The following GLMN variants were observed in gnomAD, a reference collection of about 807,000 sequenced individuals.
GLMN encodes glomulin.
Under a neutral mutation model 87.8 loss-of-function variants are expected in GLMN, and 75 were observed. That is an observed-to-expected ratio of 0.85 (90% CI 0.71 to 1.04). GLMN has a LOEUF of 1.04. GLMN is among the 50% of genes least tolerant of loss of function. The pLI is 0.00. For synonymous variants in GLMN, 206 were observed against 221.6 expected, an observed-to-expected ratio of 0.93 and a Z score of 0.63; for missense variants, 588 against 658.8, an observed-to-expected ratio of 0.89 and a Z score of 1.18.
chr1:92,369,873 A>G, the GLMN span, among the ~76,000 whole-genome samples: 62 of 152,194 alleles, frequency 4.1e-4, no homozygotes, highest in African/African-American at 1.5e-3. Context: ...GAAAGTAAAC[A>G]TTTTTATTTT....
At chr1:92,346,031 T>G in the GLMN span, 1 of 620,188 alleles carries the variant, frequency 1.6e-6, no homozygotes, top group Admixed American at 2.9e-5. Flanking sequence ...TACCTCTATT[T>G]TGTGCCTTAT....
the GLMN span, among the ~76,000 whole-genome samples, chr1:92,352,657 T>A: frequency 4.6e-5 from 7 of 152,328 alleles, no homozygotes; most frequent in Admixed American, 3.3e-4. Context: ...ACTATGGAAT[T>A]TTTATATTTA....
intron 13 of GLMN, among the ~76,000 whole-genome samples, chr1:92,265,387 A>G (rs1235783818): frequency 6.6e-6 from 1 of 152,160 alleles, no homozygotes; most frequent in Non-Finnish European, 1.5e-5. Context: ...TGGTAGAGAT[A>G]CACATAGAAC....
intron 7 of GLMN, among the ~76,000 whole-genome samples, chr1:92,276,496 T>C (rs1171304306): frequency 2.0e-5 from 3 of 151,936 alleles, no homozygotes; most frequent in Non-Finnish European, 4.4e-5. Flanking sequence ...ACCCCATCTC[T>C]ACCCAAAATA....
intron 4 of GLMN, 27 bp from the exon 5 acceptor site, chr1:92,290,333 G>C: frequency 1.5e-6 from 2 of 1,292,296 alleles, no homozygotes; most frequent in Non-Finnish European, 2.3e-6. Context: ...AATTGAACCT[G>C]TTTAATACAA....
chr1:92,352,419 T>A, the GLMN span, among the ~76,000 whole-genome samples: 2 of 149,068 alleles, frequency 1.3e-5, no homozygotes, highest in African/African-American at 5.0e-5. Flanking sequence ...AATGGAAAGA[T>A]GTGAGTAAGG....
chr1:92,253,550 G>A lies in GLMN; in HGVS notation c.1474-5561C>T, dbSNP rs184534601. On this transcript the variant is annotated intron_variant, in intron 16 of 18. Coordinates refer to ENST00000370360, the MANE Select transcript of GLMN (RefSeq NM_053274.3). ...CTGGCATCTGGCGGGTGCCCCTCTG[G>A]GATGAAGCTTCCAGAGGAAGGAGCA... is the stretch of plus-strand genomic sequence containing the variant. Among the ~76,000 whole-genome samples, 384 of 152,312 alleles carry A rather than the reference G, an allele frequency of 2.5e-3. 3 individuals are homozygous for A. The highest frequency in any genetic ancestry group is 9.1e-3 in the South Asian group (44 of 4,826).
Position 92,289,239 on chromosome 1 carries a change from C to G in GLMN, c.395-88G>C, listed in dbSNP as rs543685886. 8 of 796,714 alleles carry G rather than the reference C, an allele frequency of 1.0e-5. No individual in the cohort carries two copies. In the African/African-American group the frequency reaches 1.0e-4, roughly 10 times the overall value. 49.4% of individuals were successfully genotyped at this position (796,714 alleles called of 1,614,324 possible). ...AATGTGGAATTATAAGACACTTCCT[C>G]CTCCCACATTTTAACAACTCTTGAA... On this transcript the variant is annotated intron_variant, in intron 5 of 18. Coordinates refer to ENST00000370360, the MANE Select transcript of GLMN (RefSeq NM_053274.3).
chr1:92,329,121 C>T, the GLMN span, among the ~76,000 whole-genome samples: 1 of 152,124 alleles, frequency 6.6e-6, no homozygotes, highest in Middle Eastern at 3.4e-3. Flanking sequence ...GGCCTTCAGC[C>T]AGGAGGTGGT....
At chr1:92,307,263 C>G in the GLMN span, 1 of 1,606,750 alleles carries the variant, frequency 6.2e-7, no homozygotes, top group Non-Finnish European at 8.5e-7. Flanking sequence ...AGTATGGGTT[C>G]GAGAAGAAGA....
chr1:92,308,212 T>C, the GLMN span, among the ~76,000 whole-genome samples: 33 of 152,214 alleles, frequency 2.2e-4, no homozygotes, highest in Admixed American at 2.2e-3. Context: ...GATCCAATCC[T>C]GTGTGGTTTA....
the GLMN span, among the ~76,000 whole-genome samples, chr1:92,342,561 C>T: frequency 6.6e-6 from 1 of 152,162 alleles, no homozygotes; most frequent in Non-Finnish European, 1.5e-5. Context: ...TTAACAGCAT[C>T]ATTTTGGCTG....
chr1:92,354,519 A>G, the GLMN span, among the ~76,000 whole-genome samples: 1 of 152,256 alleles, frequency 6.6e-6, no homozygotes, highest in African/African-American at 2.4e-5. Context: ...GTGAGTTACA[A>G]AGAACTTTTT....
At chr1:92,279,450 C>G (rs1294653856) in intron 7 of GLMN, among the ~76,000 whole-genome samples, 2 of 98,886 alleles carry the variant, frequency 2.0e-5, no homozygotes, top group African/African-American at 9.2e-5. Context: ...GAGCGAGACT[C>G]TGTCACAAAA....
At chr1:92,282,553 C>A (rs1255871039) in intron 7 of GLMN, among the ~76,000 whole-genome samples, 1 of 151,994 alleles carries the variant, frequency 6.6e-6, no homozygotes, top group Non-Finnish European at 1.5e-5. Flanking sequence ...CCTAACATCA[C>A]AATTAAAAGA....
the GLMN span, among the ~76,000 whole-genome samples, chr1:92,318,808 A>G: frequency 5.3e-5 from 8 of 152,304 alleles, no homozygotes; most frequent in Non-Finnish European, 1.0e-4. Context: ...AATATCTATG[A>G]GCAGTCTTAT....
intron 7 of GLMN, among the ~76,000 whole-genome samples, chr1:92,272,656 G>A (rs1222611269): frequency 1.3e-5 from 2 of 152,170 alleles, no homozygotes; most frequent in African/African-American, 2.4e-5. Context: ...ATGCAGGAAC[G>A]CTGGGCAGGG....
At chr1:92,340,849 C>T in the GLMN span, among the ~76,000 whole-genome samples, 1 of 151,996 alleles carries the variant, frequency 6.6e-6, no homozygotes, top group East Asian at 1.9e-4. Flanking sequence ...TCAGAATCTG[C>T]TTGATAATGA....
chr1:92,342,393 A>G, the GLMN span, among the ~76,000 whole-genome samples: 1 of 152,196 alleles, frequency 6.6e-6, no homozygotes, highest in Non-Finnish European at 1.5e-5. Context: ...GCAAGAGTAG[A>G]GAGATATGTG....
Sources: gnomAD v4.1 joint callset for allele counts (sites outside exome capture counted in the v4.1 genomes callset) on GRCh38, gnomAD v4.1.1 for gene constraint, MANE v1.5 for transcripts, NCBI Gene and HGNC (gene_info 2026-07-23, HGNC 2026-07-21) for gene names.